The following CTNNA2 variants were observed in gnomAD, a reference collection of about 807,000 sequenced individuals.
CTNNA2 encodes catenin alpha 2.
Under a neutral mutation model 101.0 loss-of-function variants are expected in CTNNA2, and 42 were observed. The observed-to-expected ratio is 0.42, with a 90% confidence interval of 0.32 to 0.54. The LOEUF (loss-of-function observed/expected upper bound fraction) is 0.54, where lower values mean the gene tolerates loss of function less well. CTNNA2 is among the 20% of genes least tolerant of loss of function. The pLI is 0.14. For synonymous variants in CTNNA2, 450 were observed against 456.4 expected (o/e 0.99, Z 0.18); for missense variants, 871 against 1,223.1 (o/e 0.71, Z 4.29).
At chr2:80,050,686 C>G (rs1221197227) in intron 7 of CTNNA2, among the ~76,000 whole-genome samples, 3 of 152,188 alleles carry the variant, frequency 2.0e-5, no homozygotes, top group Middle Eastern at 6.8e-3. Context: ...CTGAAGAGAA[C>G]ATTGTTATTT....
rs1671612325 is a variant in CTNNA2 at position 80,249,799 on chromosome 2, C to T, written c.1057-143412C>T. Among the ~76,000 whole-genome samples, 4 of 152,092 alleles carry T rather than the reference C, an allele frequency of 2.6e-5. No individual in the cohort carries two copies. The South Asian group carries it at 6.2e-4, about 24-fold the overall frequency. ...AGCCTGCTTTATTTCACTAAGCATC[C>T]CATGTTATGAAAAACCATAGCATAC... On this transcript the variant is annotated intron_variant, in intron 7 of 18. Transcript: ENST00000402739.
chr2:80,447,546 TGCTCTGATACTTCC>T (rs1295786419), intron 9 of CTNNA2, among the ~76,000 whole-genome samples: 3 of 152,228 alleles, frequency 2.0e-5, no homozygotes, highest in Non-Finnish European at 2.9e-5. Context: ...TATGCACAGA[TGCTCTGATACTTCC>T]TGCTGCAAGA....
At position 80,234,927 on chromosome 2, in the gene CTNNA2, G is replaced by T. The variant is rs187045964; in HGVS notation, c.1057-158284G>T. On this transcript the variant is annotated intron_variant, in intron 7 of 18. Transcript: ENST00000402739. The stretch of plus-strand genomic sequence containing the variant: ...TCCATAAACAATAACAAATAAATGG[G>T]TGTGGCTGTGTCTGATAAATATTTA... Among the ~76,000 whole-genome samples, 28 of 152,090 alleles carry T rather than the reference G, an allele frequency of 1.8e-4. No individual in the cohort carries two copies. The East Asian group carries it at 5.0e-3, about 27-fold the overall frequency.
chr2:79,609,366 T>A (rs1678117999), intron 1 of CTNNA2, among the ~76,000 whole-genome samples: 1 of 152,036 alleles, frequency 6.6e-6, no homozygotes, highest in East Asian at 1.9e-4. Flanking sequence ...ATGTGCTGTA[T>A]CTGTTCACCC....
chr2:79,266,052 T>G (rs2104292760), intron 2 of CTNNA2, among the ~76,000 whole-genome samples: 1 of 152,300 alleles, frequency 6.6e-6, no homozygotes, highest in African/African-American at 2.4e-5. Context: ...AGCAATTTAA[T>G]CAGCAAATTA....
At chr2:80,423,514 A>G (rs566752590) in intron 9 of CTNNA2, among the ~76,000 whole-genome samples, 2 of 152,280 alleles carry the variant, frequency 1.3e-5, no homozygotes, top group South Asian at 4.1e-4. Flanking sequence ...TCTCCTTTAA[A>G]AAAATATTAA....
intron 4 of CTNNA2, among the ~76,000 whole-genome samples, chr2:79,394,322 G>T (rs554541264): frequency 6.6e-6 from 1 of 152,314 alleles, no homozygotes; most frequent in Non-Finnish European, 1.5e-5. Flanking sequence ...TGCTTAGACT[G>T]TATATTGCAT....
At chr2:80,185,040 AT>A (rs1371866536) in intron 7 of CTNNA2, among the ~76,000 whole-genome samples, 1 of 152,196 alleles carries the variant, frequency 6.6e-6, no homozygotes, top group East Asian at 1.9e-4. Flanking sequence ...AGGGTTTATT[AT>A]CTCCTGGTTC....
intron 4 of CTNNA2, among the ~76,000 whole-genome samples, chr2:79,865,366 T>C (rs1681986388): frequency 6.6e-6 from 1 of 152,208 alleles, no homozygotes; most frequent in South Asian, 2.1e-4. Flanking sequence ...CCAACTCCTA[T>C]TTCCAAGATA....
intron 1 of CTNNA2, among the ~76,000 whole-genome samples, chr2:79,526,800 G>A (rs1477824467): frequency 1.3e-5 from 2 of 152,012 alleles, no homozygotes; most frequent in South Asian, 2.1e-4. Flanking sequence ...AATTTGGACC[G>A]CTTTCTCCTC....
At chr2:79,436,055 T>C in intron 4 of CTNNA2, among the ~76,000 whole-genome samples, 1 of 152,144 alleles carries the variant, frequency 6.6e-6, no homozygotes, top group Non-Finnish European at 1.5e-5. Context: ...AGACTTCTGG[T>C]TTGGTCTGGG....
chr2:80,636,838 G>A (rs1246419195), intron 18 of CTNNA2, among the ~76,000 whole-genome samples: 1 of 152,032 alleles, frequency 6.6e-6, no homozygotes, highest in South Asian at 2.1e-4. Context: ...AATGTTCTTA[G>A]ATATTTTAGG....
At chr2:80,392,313 T>G (rs1677590147) in intron 7 of CTNNA2, among the ~76,000 whole-genome samples, 1 of 152,226 alleles carries the variant, frequency 6.6e-6, no homozygotes, top group Non-Finnish European at 1.5e-5. Context: ...AATCAATCTG[T>G]AGCGTTTGAC....
At chr2:79,395,982 G>T (rs560680067) in intron 4 of CTNNA2, among the ~76,000 whole-genome samples, 1 of 152,176 alleles carries the variant, frequency 6.6e-6, no homozygotes, top group Non-Finnish European at 1.5e-5. Context: ...GTAACTGGGA[G>T]TTATTATATT....
chr2:79,387,060 T>C (rs1678113968), intron 4 of CTNNA2, among the ~76,000 whole-genome samples: 1 of 152,202 alleles, frequency 6.6e-6, no homozygotes, highest in Non-Finnish European at 1.5e-5. Flanking sequence ...GTCTCTGTTT[T>C]TGCTTTTCTT....
At chr2:79,752,820 C>T (rs1350044373) in intron 3 of CTNNA2, among the ~76,000 whole-genome samples, 2 of 151,838 alleles carry the variant, frequency 1.3e-5, no homozygotes, top group Non-Finnish European at 2.9e-5. Context: ...TTATTGTTTC[C>T]AGCCCAAAAA....
At chr2:79,274,255 G>C (rs1392921659) in intron 2 of CTNNA2, among the ~76,000 whole-genome samples, 2 of 152,056 alleles carry the variant, frequency 1.3e-5, no homozygotes, top group African/African-American at 4.8e-5. Flanking sequence ...CAGGCCAGGA[G>C]AGACTTGTGA....
chr2:79,935,801 A>T (rs1451850785), intron 7 of CTNNA2, among the ~76,000 whole-genome samples: 2 of 152,180 alleles, frequency 1.3e-5, no homozygotes, highest in African/African-American at 4.8e-5. Flanking sequence ...TAAATAATAC[A>T]CCTTGTGTTA....
chr2:80,331,200 G>A (rs569021754), intron 7 of CTNNA2, among the ~76,000 whole-genome samples: 14 of 152,228 alleles, frequency 9.2e-5, no homozygotes, highest in Admixed American at 5.2e-4. Flanking sequence ...GAGCAGCCAC[G>A]ACTGTGTCAG....
Sources: gnomAD v4.1 joint callset for allele counts (sites outside exome capture counted in the v4.1 genomes callset) on GRCh38, gnomAD v4.1.1 for gene constraint, MANE v1.5 for transcripts, NCBI Gene and HGNC (gene_info 2026-07-23, HGNC 2026-07-21) for gene names.